The following GRIK3 variants were observed in gnomAD, a reference collection of about 807,000 sequenced individuals.
GRIK3 encodes the protein glutamate ionotropic receptor kainate type subunit 3, also known as glutamate receptor ionotropic, kainate 3.
In GRIK3, 29 loss-of-function variants were observed where a neutral mutation model predicts 102.5. The observed-to-expected ratio is 0.28, with a 90% CI of 0.21 to 0.39. The LOEUF is 0.39. Ranked by LOEUF, GRIK3 falls within the 10% of genes least tolerant of loss-of-function variation. The pLI, the probability that GRIK3 is intolerant of heterozygous loss-of-function variation, is 1.00. For missense variants in GRIK3, 908 were observed against 1,252.4 expected (o/e 0.73, Z 4.15); for synonymous variants, 511 against 504.9 (o/e 1.01, Z -0.16).
chr1:36,901,311 C>G (rs1301104842), intron 1 of GRIK3, among the ~76,000 whole-genome samples: 3 of 152,120 alleles, frequency 2.0e-5, no homozygotes, highest in African/African-American at 4.8e-5. Context: ...TGAATCCAAT[C>G]ATGTATAAAA....
At chr1:36,994,788 CA>C (rs1006443978) in intron 1 of GRIK3, among the ~76,000 whole-genome samples, 3 of 151,782 alleles carry the variant, frequency 2.0e-5, no homozygotes, top group Admixed American at 6.6e-5. Context: ...AACTTCCTGG[CA>C]AAAAAAATAA....
intron 14 of GRIK3, among the ~76,000 whole-genome samples, chr1:36,805,679 G>A (rs1244097516): frequency 6.6e-6 from 1 of 152,186 alleles, no homozygotes; most frequent in African/African-American, 2.4e-5. Flanking sequence ...GCTCATGCCT[G>A]TAATCCCAGC....
At chr1:36,894,579 C>T (rs963062320) in intron 1 of GRIK3, among the ~76,000 whole-genome samples, 2 of 152,178 alleles carry the variant, frequency 1.3e-5, no homozygotes, top group African/African-American at 4.8e-5. Flanking sequence ...AGTGAGGTCA[C>T]AGGGCAAACC....
At chr1:36,921,307 C>T (rs2124304335) in intron 1 of GRIK3, among the ~76,000 whole-genome samples, 1 of 152,356 alleles carries the variant, frequency 6.6e-6, no homozygotes, top group African/African-American at 2.4e-5. Flanking sequence ...CCTCTGCCAC[C>T]TACCAGCTGC....
intron 1 of GRIK3, among the ~76,000 whole-genome samples, chr1:37,016,608 C>T (rs1642654860): frequency 6.6e-6 from 1 of 151,974 alleles, no homozygotes; most frequent in Non-Finnish European, 1.5e-5. Flanking sequence ...AAAATAAAAA[C>T]ATTTTACTTT....
In GRIK3 at chr1:36,926,067, C is replaced by A. The variant is rs149591568; in HGVS notation, c.116-34971G>T. On this transcript the variant is annotated intron_variant, in intron 1 of 15. Transcript: ENST00000373091. ...GCATGATGATTTTGGTAGTCATTGG[C>A]CAGTGGTCATCAGGACCATTTTCTT... Among the ~76,000 whole-genome samples, 43 of 152,302 alleles carry A rather than the reference C, an allele frequency of 2.8e-4. 1 individual carries two copies. The highest frequency in any genetic ancestry group is 9.4e-4 in the African/African-American group (39 of 41,544).
rs568716740 is a variant in GRIK3 at position 36,814,957 on chromosome 1, A to G, written c.2091+2103T>C. On this transcript the variant is annotated intron_variant, in intron 13 of 15. Coordinates refer to ENST00000373091, the MANE Select transcript of GRIK3 (RefSeq NM_000831.4). ...GATGCAGACACGTGTCCAAGCACAA[A>G]TACACACATGTCCCCACACAGGCAG... 3.8e-4 allele frequency among the ~76,000 whole-genome samples: 58 copies of G among 152,322 alleles called. No homozygotes were observed. In the South Asian group the frequency reaches 0.012, roughly 31 times the overall value.
At chr1:36,922,574 T>C (rs993046802) in intron 1 of GRIK3, among the ~76,000 whole-genome samples, 1 of 152,166 alleles carries the variant, frequency 6.6e-6, no homozygotes, top group African/African-American at 2.4e-5. Context: ...GTGATCCAGA[T>C]GTTTACCAGG....
rs947794420 is a variant in GRIK3, at chr1:37,029,549, C to T, written c.115+4445G>A. On this transcript the variant is annotated intron_variant, in intron 1 of 15. Coordinates refer to ENST00000373091, the MANE Select transcript of GRIK3 (RefSeq NM_000831.4). ...AACAGTCCCAGTCACTGAGATCAAA[C>T]AGGTCTCCTGCTAAAAGAACCCCCT... 2.8e-4 allele frequency among the ~76,000 whole-genome samples: 42 copies of T among 152,370 alleles called. 1 individual carries two copies. Among genetic ancestry groups the T allele is most frequent in the Non-Finnish European group, 5.7e-4 (39 of 68,038 alleles).
chr1:36,829,047 C>T (rs1258032857), intron 10 of GRIK3, among the ~76,000 whole-genome samples: 1 of 152,184 alleles, frequency 6.6e-6, no homozygotes, highest in Non-Finnish European at 1.5e-5. Flanking sequence ...AGACAACTGG[C>T]CAATATGACC....
chr1:36,946,839 G>A (rs970247105), intron 1 of GRIK3, among the ~76,000 whole-genome samples: 5 of 152,108 alleles, frequency 3.3e-5, no homozygotes, highest in Admixed American at 2.6e-4. Flanking sequence ...CAACTACCCC[G>A]ACACTGTCTC....
At position 36,806,094 on chromosome 1, in the gene GRIK3, C is replaced by T. The variant is rs770847387; in HGVS notation, c.2314+10G>A. 1.9e-6 allele frequency: 3 copies of T among 1,605,094 alleles called. No individual in the cohort carries two copies. Among genetic ancestry groups the T allele is most frequent in the African/African-American group, 1.3e-5 (1 of 74,852 alleles). On this transcript the variant is annotated intron_variant, in intron 14 of 15. Coordinates refer to ENST00000373091, the MANE Select transcript of GRIK3 (RefSeq NM_000831.4). This position sits in a 1 kb window ranked among gnomAD's most constrained non-coding sequence, Gnocchi z 4.0. ...ACACCCACCCCTCCCACAGGCAGCC[C>T]CTCGCTCACCCATGGGCGTGCCGAT...
intron 1 of GRIK3, among the ~76,000 whole-genome samples, chr1:37,029,357 A>G (rs1642797211): frequency 6.6e-6 from 1 of 152,170 alleles, no homozygotes; most frequent in Non-Finnish European, 1.5e-5. Context: ...CGGGGTGTGC[A>G]AAGTCCCCCA....
chr1:36,951,432 T>A (rs1224076408), intron 1 of GRIK3, among the ~76,000 whole-genome samples: 1 of 152,216 alleles, frequency 6.6e-6, no homozygotes, highest in East Asian at 1.9e-4. Flanking sequence ...TTCTCCTTTG[T>A]CTTCTTCCCA....
Position 36,799,360 on chromosome 1 carries a change from T to C in GRIK3, c.*2491A>G, listed in dbSNP as rs1642406545. The C allele has an allele frequency of 6.6e-6, 1 of 152,268 alleles. No homozygotes were observed. The highest frequency in any genetic ancestry group is 1.5e-5 in the Non-Finnish European group (1 of 68,080). The allele number at this position is 152,268 out of a possible 1,614,324, so 9.4% of individuals were successfully genotyped here. ...CTTCCACTGTGACCTGGAACATATG[T>C]GTGTGTCCCACACACTCGGAAACTT... On this transcript the variant is annotated 3_prime_UTR_variant, in exon 16 of 16. Coordinates refer to ENST00000373091, the MANE Select transcript of GRIK3 (RefSeq NM_000831.4).
chr1:36,833,082 T>C (rs1263129045), intron 10 of GRIK3, among the ~76,000 whole-genome samples: 1 of 152,156 alleles, frequency 6.6e-6, no homozygotes, highest in Non-Finnish European at 1.5e-5. Flanking sequence ...CTGATGTGTC[T>C]GTAGGGATTA....
intron 1 of GRIK3, among the ~76,000 whole-genome samples, chr1:36,963,211 G>A (rs528532422): frequency 6.6e-6 from 1 of 152,274 alleles, no homozygotes; most frequent in Admixed American, 6.5e-5. Flanking sequence ...CCATCAGGCT[G>A]GCAGGACTCT....
intron 1 of GRIK3, among the ~76,000 whole-genome samples, chr1:36,941,465 G>C (rs1641718562): frequency 6.6e-6 from 1 of 152,208 alleles, no homozygotes; most frequent in Admixed American, 6.5e-5. Context: ...CCGGGCTGGG[G>C]GTGGCTTCAC....
At chr1:37,029,571 C>T (rs1235042263) in intron 1 of GRIK3, among the ~76,000 whole-genome samples, 2 of 152,198 alleles carry the variant, frequency 1.3e-5, no homozygotes, top group African/African-American at 2.4e-5. Context: ...TAAAAGAACC[C>T]CCTTCACCAA....
Sources: allele counts gnomAD v4.1 joint callset (sites outside exome capture counted in the v4.1 genomes callset), GRCh38; gene constraint gnomAD v4.1.1; non-coding constraint Gnocchi (gnomAD v3.1); transcripts MANE v1.5; gene names NCBI Gene and HGNC (gene_info 2026-07-23, HGNC 2026-07-21).